Variants in MTHFSD observed in about 807,000 individuals in gnomAD.
MTHFSD encodes the protein methenyltetrahydrofolate synthase domain-containing protein.
MTHFSD carries 37 observed loss-of-function variants against 31.1 expected under a neutral mutation model. That is an observed-to-expected ratio of 1.19 (90% CI 0.91 to 1.56). The LOEUF (loss-of-function observed/expected upper bound fraction) is 1.56. MTHFSD is among the 40% of genes most tolerant of loss of function. The pLI is 0.00. For synonymous variants in MTHFSD, 221 were observed against 206.9 expected, an observed-to-expected ratio of 1.07 and a Z score of -0.59; for missense variants, 664 against 510.1, an observed-to-expected ratio of 1.30 and a Z score of -2.91.
At chr16:86,548,720 T>A in intron 3 of MTHFSD, 143 bp from the exon 4 acceptor site, 1 of 636,606 alleles carries the variant, frequency 1.6e-6, no homozygotes, top group Non-Finnish European at 2.6e-6. Context: ...GGAAATTACT[T>A]ATTTGAAAAC....
At chr16:86,546,538 G>C in intron 5 of MTHFSD, 21 bp downstream of exon 5, 4 of 1,607,252 alleles carry the variant, frequency 2.5e-6, no homozygotes, top group Non-Finnish European at 3.4e-6. Flanking sequence ...ACACTCAAGG[G>C]TTCCCATCTG....
Position 86,548,049 on chromosome 16 carries a change from G to A in MTHFSD, c.351+415C>T, listed in dbSNP as rs972752252. 22 of 1,289,584 alleles carry A rather than the reference G, an allele frequency of 1.7e-5. No homozygotes were observed. In the Admixed American group the frequency reaches 4.8e-4, roughly 28 times the overall value. The allele number at this position is 1,289,584 out of a possible 1,614,324, so 79.9% of individuals were successfully genotyped here. ...CAATTACTCACTTAGAACTGGTGAG[G>A]CAATTTCCAATGGAGCATGTTTTGG... On this transcript the variant is annotated intron_variant, in intron 4 of 7. Coordinates refer to ENST00000360900, the MANE Select transcript of MTHFSD (RefSeq NM_001159377.2).
At chr16:86,551,389 C>A (rs1164143457) in intron 3 of MTHFSD, among the ~76,000 whole-genome samples, 1 of 152,172 alleles carries the variant, frequency 6.6e-6, no homozygotes, top group East Asian at 1.9e-4. Flanking sequence ...CATCATAATA[C>A]CACAACTGTG....
rs141984532 is a variant in MTHFSD, at chr16:86,541,461, TAC to T, written c.681+234_681+235del. 543 of 645,866 alleles carry T rather than the reference TAC, an allele frequency of 8.4e-4. 3 individuals carry two copies. The African/African-American group carries it at 9.1e-3, about 11-fold the overall frequency. 40.0% of individuals were successfully genotyped at this position (645,866 alleles called of 1,614,324 possible). On this transcript the variant is annotated intron_variant, in intron 7 of 7. Coordinates refer to ENST00000360900, the MANE Select transcript of MTHFSD (RefSeq NM_001159377.2). ...AGCCCATGTGGCCATTTCTGCCATCTACAGAGGCAGATTTTAAACCTAGCTGC... is the reference window on the plus strand; with the variant it reads ...AGCCCATGTGGCCATTTCTGCCATCTAGAGGCAGATTTTAAACCTAGCTGC...
At chr16:86,554,820 A>ACT in intron 1 of MTHFSD, 69 bp from the exon 2 acceptor site, 1 of 1,344,314 alleles carries the variant, frequency 7.4e-7, no homozygotes, top group Non-Finnish European at 1.1e-6. Flanking sequence ...ACCGCTTAAC[A>ACT]GTAGTTAAGC....
intron 1 of MTHFSD, 196 bp downstream of exon 1, chr16:86,554,973 C>G: frequency 7.6e-7 from 1 of 1,316,546 alleles, no homozygotes; most frequent in Non-Finnish European, 1.0e-6. Flanking sequence ...TTTTTCCTGA[C>G]ATCTTTCTCG....
At chr16:86,553,985 T>A (rs985484507) in intron 2 of MTHFSD, among the ~76,000 whole-genome samples, 1 of 152,162 alleles carries the variant, frequency 6.6e-6, no homozygotes, top group Non-Finnish European at 1.5e-5. Flanking sequence ...TCAGGGATTG[T>A]AAACGCACCA....
At chr16:86,552,207 TG>T in intron 2 of MTHFSD, 61 bp from the exon 3 acceptor site, 1 of 1,613,852 alleles carries the variant, frequency 6.2e-7, no homozygotes, top group East Asian at 2.2e-5. Flanking sequence ...AGCACTTTTC[TG>T]GGGGGCATCA....
At chr16:86,543,961 T>C (rs1228095474) in intron 5 of MTHFSD, among the ~76,000 whole-genome samples, 2 of 152,188 alleles carry the variant, frequency 1.3e-5, no homozygotes, top group African/African-American at 4.8e-5. Context: ...GGTTGCGTGC[T>C]CCTGATGAGA....
In MTHFSD at chr16:86,555,016, C is replaced by G. The variant is rs139930353; in HGVS notation, c.16+153G>C. ...GGGCGAGAGAGCCGCTGGTTCGACC[C>G]GAACCCAGCACAGACCCCCTCTGAC... On this transcript the variant is annotated intron_variant, in intron 1 of 7. Transcript: ENST00000360900. The G allele has an allele frequency of 3.3e-3, 4,667 of 1,416,608 alleles. 110 individuals are homozygous for G. The African/African-American group carries it at 0.056, about 17-fold the overall frequency. 87.8% of individuals were successfully genotyped at this position (1,416,608 alleles called of 1,614,324 possible). A position where few individuals can be genotyped will look rare whatever the true frequency, so the allele number is the denominator to read the frequency against.
In MTHFSD at chr16:86,552,019, G is replaced by C. The variant is rs1261597590; in HGVS notation, c.237+14C>G. 1.9e-6 allele frequency: 3 copies of C among 1,614,090 alleles called. No homozygotes were observed. The highest frequency in any genetic ancestry group is 1.7e-6 in the Non-Finnish European group (2 of 1,180,004). ...GCGGCCAGGTCTCGGCTCGGCTCAG[G>C]GAAGTGGAATTACCTGCAGCACCAG... On this transcript the variant is annotated intron_variant, in intron 3 of 7. Coordinates refer to ENST00000360900, the MANE Select transcript of MTHFSD (RefSeq NM_001159377.2).
chr16:86,533,385 G>A (rs556053140), intron 7 of MTHFSD: 3 of 152,208 alleles, frequency 2.0e-5, no homozygotes, highest in African/African-American at 4.8e-5. Flanking sequence ...CAGACACTGT[G>A]TAGTCCTTTT....
At chr16:86,541,936 C>A in intron 6 of MTHFSD, 114 bp from the exon 7 acceptor site, 5 of 1,467,436 alleles carry the variant, frequency 3.4e-6, no homozygotes, top group Non-Finnish European at 4.7e-6. Flanking sequence ...CAAATCCACT[C>A]TGGGGCTAAG....
Position 86,541,426 on chromosome 16 carries a change from T to C in MTHFSD, c.681+271A>G, listed in dbSNP as rs1051586737. The C allele has an allele frequency of 8.3e-6, 5 of 602,440 alleles. No homozygotes were observed. In the African/African-American group the frequency reaches 9.3e-5, roughly 11 times the overall value. The allele number at this position is 602,440 out of a possible 1,614,324, so 37.3% of individuals were successfully genotyped here. ...GGGGGCAAGTAAAGCTTCAAGGCAT[T>C]CACCCTCCCAGCCCATGTGGCCATT... On this transcript the variant is annotated intron_variant, in intron 7 of 7. Coordinates refer to ENST00000360900, the MANE Select transcript of MTHFSD (RefSeq NM_001159377.2).
intron 7 of MTHFSD, among the ~76,000 whole-genome samples, chr16:86,539,063 GA>G (rs1220093255): frequency 3.3e-5 from 5 of 152,214 alleles, no homozygotes; most frequent in Non-Finnish European, 7.3e-5. Flanking sequence ...TGAGGGTGCA[GA>G]GTGCTGGAAT....
In MTHFSD at chr16:86,531,915, C is replaced by T. The variant is rs569988368; in HGVS notation, c.*96G>A. ...AGCAGCTCAGGCGGTGGCTCCGACA[C>T]GTCTTGCCACGCAGGCCTCTCGAGT... On this transcript the variant is annotated 3_prime_UTR_variant, in exon 8 of 8. Coordinates refer to ENST00000360900, the MANE Select transcript of MTHFSD (RefSeq NM_001159377.2). This position sits in a 1 kb window ranked among gnomAD's most constrained non-coding sequence, Gnocchi z 5.5. 2 of 829,234 alleles carry T rather than the reference C, an allele frequency of 2.4e-6. No individual in the cohort carries two copies. The highest frequency in any genetic ancestry group is 1.8e-5 in the African/African-American group (1 of 56,174). The allele number at this position is 829,234 out of a possible 1,614,324, so 51.4% of individuals were successfully genotyped here. A position where few individuals can be genotyped will look rare whatever the true frequency, so the allele number is the denominator to read the frequency against.
intron 7 of MTHFSD, among the ~76,000 whole-genome samples, chr16:86,534,978 T>C (rs953600768): frequency 1.3e-5 from 2 of 152,244 alleles, no homozygotes; most frequent in Non-Finnish European, 2.9e-5. Flanking sequence ...AGGTTCCCTA[T>C]GGCAGAAGCG....
At chr16:86,539,170 A>G (rs542015656) in intron 7 of MTHFSD, among the ~76,000 whole-genome samples, 54 of 152,190 alleles carry the variant, frequency 3.5e-4, no homozygotes, top group Non-Finnish European at 7.2e-4. Flanking sequence ...GGTCTCTGCA[A>G]AGCACCTGCA....
intron 3 of MTHFSD, 117 bp from the exon 4 acceptor site, chr16:86,548,694 T>C (rs1972692294): frequency 1.3e-6 from 1 of 774,404 alleles, no homozygotes; most frequent in Non-Finnish European, 2.0e-6. Context: ...GCATGGTTTT[T>C]TTTGGTGTGT....
Sources: allele counts gnomAD v4.1 joint callset (sites outside exome capture counted in the v4.1 genomes callset), GRCh38; gene constraint gnomAD v4.1.1; non-coding constraint Gnocchi (gnomAD v3.1); transcripts MANE v1.5; gene names NCBI Gene and HGNC (gene_info 2026-07-23, HGNC 2026-07-21).